MNT: variants seen among roughly 807,000 people sequenced by gnomAD.
MNT encodes max-binding protein MNT.
MNT carries 13 observed loss-of-function variants against 40.7 expected under a neutral mutation model. That is an observed-to-expected ratio of 0.32 (90% CI 0.21 to 0.51). The LOEUF is 0.51. Among genes scored for constraint, MNT ranks in the 20% least tolerant of loss-of-function variants. MNT has a pLI of 0.98. For missense variants in MNT, 757 were observed against 792.0 expected (o/e 0.96, Z 0.53); for synonymous variants, 426 against 354.8 (o/e 1.20, Z -2.26).
intron 4 of MNT, chr17:2,392,596 A>C (rs1333096981): frequency 6.6e-6 from 1 of 152,248 alleles, no homozygotes; most frequent in Non-Finnish European, 1.5e-5. Context: ...AACCAAGCCC[A>C]GGTTCTGCAA....
intron 1 of MNT, among the ~76,000 whole-genome samples, chr17:2,399,110 G>A (rs1156556067): frequency 6.6e-6 from 1 of 152,008 alleles, no homozygotes; most frequent in African/African-American, 2.4e-5. Context: ...ACAATAGGCA[G>A]AGAGAAAGGA....
At chr17:2,399,964 C>T (rs1423328436) in intron 1 of MNT, among the ~76,000 whole-genome samples, 1 of 152,244 alleles carries the variant, frequency 6.6e-6, no homozygotes, top group East Asian at 1.9e-4. Context: ...CCCGGACGCG[C>T]AGCCCAGCCC....
intron 1 of MNT, 153 bp downstream of exon 1, chr17:2,400,486 TC>T (rs2066607398): frequency 5.1e-6 from 3 of 589,242 alleles, no homozygotes; most frequent in African/African-American, 2.0e-5. Flanking sequence ...ACATCACCCC[TC>T]CCCAGGCGGC....
chr17:2,385,023 T>C lies in MNT; in HGVS notation c.*1878A>G, dbSNP rs1315543263. 6.6e-6 allele frequency: 1 copy of C among 152,120 alleles called. No homozygotes were observed. Among genetic ancestry groups the C allele is most frequent in the East Asian group, 1.9e-4 (1 of 5,180 alleles). 9.4% of individuals were successfully genotyped at this position (152,120 alleles called of 1,614,324 possible). A position where few individuals can be genotyped will look rare whatever the true frequency, so the allele number is the denominator to read the frequency against. On this transcript the variant is annotated 3_prime_UTR_variant, in exon 6 of 6. Coordinates refer to ENST00000174618, the MANE Select transcript of MNT (RefSeq NM_020310.3). Reference sequence around the variant, plus strand: ...GTCAGGCCTGCCATCGCTGTCACAATGGGAATAGCAAAGCTGGCTCTCCCA... The same window carrying C: ...GTCAGGCCTGCCATCGCTGTCACAACGGGAATAGCAAAGCTGGCTCTCCCA...
At chr17:2,389,659 C>G (rs965669807) in intron 4 of MNT, 1 of 152,364 alleles carries the variant, frequency 6.6e-6, no homozygotes, top group African/African-American at 2.4e-5. Flanking sequence ...TGCCTCTGTC[C>G]CCTTCTCTCC....
rs1354729881 is a variant in MNT, at chr17:2,384,852, G to C, written c.*2049C>G. ...GGCACTAGATTTGCAGGCCCCCGAT[G>C]CTGGGGGACAGGGACGGGGAGGGGC... On this transcript the variant is annotated 3_prime_UTR_variant, in exon 6 of 6. Coordinates refer to ENST00000174618, the MANE Select transcript of MNT (RefSeq NM_020310.3). 1 of 152,652 alleles carries C rather than the reference G, an allele frequency of 6.6e-6. No individual in the cohort carries two copies. Among genetic ancestry groups the C allele is most frequent in the East Asian group, 1.9e-4 (1 of 5,188 alleles). 9.5% of individuals were successfully genotyped at this position (152,652 alleles called of 1,614,324 possible).
chr17:2,387,580 T>C lies in MNT; in HGVS notation c.1070A>G (p.His357Arg). 1 of 1,614,018 alleles carries C rather than the reference T, an allele frequency of 6.2e-7. No individual in the cohort carries two copies. The highest frequency in any genetic ancestry group is 2.2e-5 in the East Asian group (1 of 44,872). ...RAGLGPPKLS[H>R]RPQPELLKST... ...CTTCAGCAGCTCCGGCTGGGGACGA[T>C]GGCTCAGCTTAGGTGGGCCCAGGCC... The change falls in exon 6 of 6, where the codon CAT (histidine) becomes CGT (arginine). Residue 357 changes from histidine to arginine, a missense_variant. Physicochemically the swap from His to Arg is conservative, Grantham distance 29. Coordinates refer to ENST00000174618, the MANE Select transcript of MNT (RefSeq NM_020310.3).
In MNT at chr17:2,387,630, G is replaced by T; in HGVS notation, c.1020C>A (p.Asp340Glu). 21 of 1,614,044 alleles carry T rather than the reference G, an allele frequency of 1.3e-5. No homozygotes were observed. Among genetic ancestry groups the T allele is most frequent in the Non-Finnish European group, 1.8e-5 (21 of 1,179,978 alleles). ...STASEGEDNIDEDMEEDRAGL... is the reference protein window; with the variant it reads ...STASEGEDNIEEDMEEDRAGL... ...CCGCCCGGTCCTCCTCCATATCCTCGTCTATGTTGTCCTCACCCTCTGTGG... is the reference window on the plus strand; with the variant it reads ...CCGCCCGGTCCTCCTCCATATCCTCTTCTATGTTGTCCTCACCCTCTGTGG... The change falls in exon 6 of 6, where the codon GAC becomes GAA. Residue 340 changes from aspartate to glutamate, a missense_variant. Transcript: ENST00000174618.
chr17:2,400,597 T>C, intron 1 of MNT, 43 bp downstream of exon 1: 1 of 1,548,054 alleles, frequency 6.5e-7, no homozygotes, highest in Non-Finnish European at 8.7e-7. Context: ...GGTCACTCGC[T>C]TCCCCTTCCC....
intron 4 of MNT, chr17:2,388,308 T>C (rs1282487687): frequency 8.7e-6 from 4 of 459,348 alleles, no homozygotes; most frequent in Non-Finnish European, 1.2e-5. Context: ...GGTCCTTCCC[T>C]GTCCTCCACA....
intron 1 of MNT, among the ~76,000 whole-genome samples, chr17:2,397,250 G>A (rs1169977149): frequency 1.3e-5 from 2 of 152,144 alleles, no homozygotes; most frequent in South Asian, 2.1e-4. Flanking sequence ...CTGCGCTCCC[G>A]CTTCCCACAG....
chr17:2,389,962 A>G (rs1241712039), intron 4 of MNT: 1 of 152,228 alleles, frequency 6.6e-6, no homozygotes, highest in African/African-American at 2.4e-5. Context: ...CAAAAAAAAA[A>G]AGCGGGAGGG....
chr17:2,397,956 G>T (rs1404832206), intron 1 of MNT, among the ~76,000 whole-genome samples: 2 of 152,370 alleles, frequency 1.3e-5, no homozygotes, highest in African/African-American at 2.4e-5. Context: ...TGACCCAGGG[G>T]CCAAGGCTTC....
At chr17:2,389,168 T>C (rs1015077294) in intron 4 of MNT, 1 of 152,618 alleles carries the variant, frequency 6.6e-6, no homozygotes, top group Non-Finnish European at 1.5e-5. Flanking sequence ...CACATCCTCC[T>C]GCCTCCAAGC....
At chr17:2,393,951 G>T (rs1226301419) in intron 4 of MNT, 92 bp downstream of exon 4, 2 of 789,464 alleles carry the variant, frequency 2.5e-6, no homozygotes, top group Non-Finnish European at 3.6e-6. Context: ...GGGAGCCGCC[G>T]GGGCGTGAGG....
In MNT at chr17:2,400,991, T is replaced by G; in HGVS notation, c.-279A>C. The G allele has an allele frequency of 3.3e-6, 1 of 301,404 alleles. No homozygotes were observed. The highest frequency in any genetic ancestry group is 6.1e-6 in the Non-Finnish European group (1 of 165,014). The allele number at this position is 301,404 out of a possible 1,614,324, so 18.7% of individuals were successfully genotyped here. On this transcript the variant is annotated 5_prime_UTR_variant, in exon 1 of 6. Coordinates refer to ENST00000174618, the MANE Select transcript of MNT (RefSeq NM_020310.3). ...TCCCTTCTTCCCCTCCCTCTCTACC[T>G]CCCTTCCGATGCCTCCCGCCCCGCG... is the stretch of plus-strand genomic sequence containing the variant.
In MNT at chr17:2,386,839, G is replaced by A. The variant is rs1316072474; in HGVS notation, c.*62C>T. On this transcript the variant is annotated 3_prime_UTR_variant, in exon 6 of 6. Coordinates refer to ENST00000174618, the MANE Select transcript of MNT (RefSeq NM_020310.3). Reference sequence around the variant, plus strand: ...GCTGGAATGTGTGGAGCTGGTGGGTGAGAGAGTGGGGGACAGGTCCCCCTC... The same window carrying A: ...GCTGGAATGTGTGGAGCTGGTGGGTAAGAGAGTGGGGGACAGGTCCCCCTC... 4.9e-6 allele frequency: 7 copies of A among 1,420,732 alleles called. No homozygotes were observed. The highest frequency in any genetic ancestry group is 1.5e-5 in the African/African-American group (1 of 68,840). 88.0% of individuals were successfully genotyped at this position (1,420,732 alleles called of 1,614,324 possible).
chr17:2,388,772 C>T (rs776673214), intron 4 of MNT, among the ~76,000 whole-genome samples: 1 of 152,178 alleles, frequency 6.6e-6, no homozygotes, highest in Non-Finnish European at 1.5e-5. Context: ...CCCCTCCACA[C>T]TCAGTCTTTC....
intron 1 of MNT, among the ~76,000 whole-genome samples, chr17:2,398,897 G>A (rs1208879166): frequency 6.6e-6 from 1 of 152,072 alleles, no homozygotes; most frequent in African/African-American, 2.4e-5. Context: ...CAAAACCCAG[G>A]CATCTGAGCC....
Sources: gnomAD v4.1 joint callset for allele counts (sites outside exome capture counted in the v4.1 genomes callset) on GRCh38, gnomAD v4.1.1 for gene constraint, MANE v1.5 for transcripts, NCBI Gene and HGNC (gene_info 2026-07-23, HGNC 2026-07-21) for gene names.